ERBB4: variants seen among roughly 807,000 people sequenced by gnomAD.
ERBB4 encodes receptor tyrosine-protein kinase erbB-4.
Under a neutral mutation model 158.0 loss-of-function variants are expected in ERBB4, and 42 were observed. The observed-to-expected ratio is 0.27, with a 90% CI of 0.21 to 0.34. ERBB4 has a LOEUF of 0.34. Ranked by LOEUF, ERBB4 falls within the 10% of genes least tolerant of loss-of-function variation. The pLI, the probability that ERBB4 is intolerant of heterozygous loss-of-function variation, is 1.00. For synonymous variants in ERBB4, 583 were observed against 558.7 expected (o/e 1.04, Z -0.61); for missense variants, 1,333 against 1,624.1 (o/e 0.82, Z 3.08).
intron 1 of ERBB4, among the ~76,000 whole-genome samples, chr2:212,333,353 C>A (rs547823127): frequency 1.0e-4 from 15 of 146,082 alleles, no homozygotes; most frequent in African/African-American, 3.0e-4. Flanking sequence ...CCTGTCCACA[C>A]AAAAGCATAA....
At chr2:211,408,920 T>C (rs1212925077) in intron 25 of ERBB4, among the ~76,000 whole-genome samples, 1 of 152,210 alleles carries the variant, frequency 6.6e-6, no homozygotes, top group African/African-American at 2.4e-5. Context: ...ATTCACTGAT[T>C]TGAATTACAC....
chr2:211,666,627 T>A (rs13424871), intron 14 of ERBB4, among the ~76,000 whole-genome samples: 44,411 of 151,994 alleles, frequency 0.29, 7,855 homozygotes, highest in African/African-American at 0.49. Context: ...CTTAAAAGAC[T>A]TCCCCGATGC....
intron 12 of ERBB4, among the ~76,000 whole-genome samples, chr2:211,686,091 T>C (rs981268519): frequency 9.2e-5 from 14 of 152,148 alleles, no homozygotes; most frequent in Non-Finnish European, 4.4e-5. Context: ...TTTCAATCTA[T>C]ATGCTTTTTC....
intron 2 of ERBB4, among the ~76,000 whole-genome samples, chr2:212,055,565 C>T (rs1424369784): frequency 1.3e-5 from 2 of 152,194 alleles, no homozygotes; most frequent in African/African-American, 4.8e-5. Flanking sequence ...AGCCGGGTAC[C>T]CCGCTGAGAT....
chr2:211,404,583 T>G (rs1011475215), intron 25 of ERBB4, among the ~76,000 whole-genome samples: 3 of 152,118 alleles, frequency 2.0e-5, no homozygotes, highest in Admixed American at 6.6e-5. Context: ...GACAGACAAC[T>G]AACTTTGTTA....
rs868557876 is a variant in ERBB4, at chr2:211,639,974, C to T, written c.1947-9380G>A. ...CTGACCTCAGGTGATCTGCCCGCCT[C>T]GGCCTTCCAAAGTGCTGGGATTATA... On this transcript the variant is annotated intron_variant, in intron 16 of 27. Coordinates refer to ENST00000342788, the MANE Select transcript of ERBB4 (RefSeq NM_005235.3). 4.6e-5 allele frequency among the ~76,000 whole-genome samples: 7 copies of T among 152,138 alleles called. No homozygotes were observed. In the East Asian group the frequency reaches 7.7e-4, roughly 17 times the overall value.
At chr2:211,430,106 A>T (rs1413454501) in intron 21 of ERBB4, among the ~76,000 whole-genome samples, 2 of 152,172 alleles carry the variant, frequency 1.3e-5, no homozygotes, top group African/African-American at 4.8e-5. Flanking sequence ...ATTGCAAAAT[A>T]TTTATAATAT....
chr2:211,825,250 T>C (rs2077077059), intron 3 of ERBB4, among the ~76,000 whole-genome samples: 1 of 151,898 alleles, frequency 6.6e-6, no homozygotes, highest in Non-Finnish European at 1.5e-5. Context: ...ATCATAATGA[T>C]AATAAGTAGT....
chr2:211,986,669 T>G (rs1316651598), intron 2 of ERBB4, among the ~76,000 whole-genome samples: 4 of 152,176 alleles, frequency 2.6e-5, no homozygotes, highest in Non-Finnish European at 1.5e-5. Context: ...TACTGTAATT[T>G]TCTCTGTGGC....
intron 2 of ERBB4, among the ~76,000 whole-genome samples, chr2:212,020,298 G>A (rs1442542255): frequency 6.6e-6 from 1 of 151,902 alleles, no homozygotes; most frequent in African/African-American, 2.4e-5. Flanking sequence ...AATATGCTAG[G>A]ACAATATTAG....
intron 1 of ERBB4, among the ~76,000 whole-genome samples, chr2:212,274,750 T>C (rs977006486): frequency 1.1e-4 from 17 of 151,824 alleles, no homozygotes; most frequent in African/African-American, 3.6e-4. Context: ...ATATTTTATG[T>C]ATCTATGACA....
At chr2:212,019,976 A>G (rs952031409) in intron 2 of ERBB4, among the ~76,000 whole-genome samples, 1 of 152,096 alleles carries the variant, frequency 6.6e-6, no homozygotes, top group Non-Finnish European at 1.5e-5. Context: ...GGTAAATTTT[A>G]TAATTATAAG....
intron 1 of ERBB4, among the ~76,000 whole-genome samples, chr2:212,336,341 G>T (rs1441542162): frequency 6.6e-6 from 1 of 151,888 alleles, no homozygotes; most frequent in African/African-American, 2.4e-5. Flanking sequence ...TCTCCCTTCA[G>T]ATTTAAGGAA....
intron 3 of ERBB4, among the ~76,000 whole-genome samples, chr2:211,881,866 C>T (rs1444760624): frequency 6.6e-6 from 1 of 152,100 alleles, no homozygotes; most frequent in East Asian, 1.9e-4. Context: ...GACAACGAAC[C>T]TTGGATATTA....
At chr2:211,839,377 C>T (rs969950573) in intron 3 of ERBB4, among the ~76,000 whole-genome samples, 1 of 150,674 alleles carries the variant, frequency 6.6e-6, no homozygotes, top group East Asian at 2.0e-4. Context: ...AAAAAAAATA[C>T]TTGACCTCTA....
At chr2:212,091,701 GA>G (rs1358637438) in intron 2 of ERBB4, among the ~76,000 whole-genome samples, 2 of 151,702 alleles carry the variant, frequency 1.3e-5, no homozygotes, top group African/African-American at 2.4e-5. Context: ...AACAAACATT[GA>G]AAAAAAATCA....
At chr2:211,918,169 G>T (rs940006191) in intron 3 of ERBB4, among the ~76,000 whole-genome samples, 2 of 152,222 alleles carry the variant, frequency 1.3e-5, no homozygotes, top group South Asian at 2.1e-4. Context: ...CAGGGATCAG[G>T]TAAGAAGTTA....
At chr2:211,772,848 T>TATATATACACACAC (rs1559504320) in intron 4 of ERBB4, among the ~76,000 whole-genome samples, 1 of 64,318 alleles carries the variant, frequency 1.6e-5, no homozygotes, top group African/African-American at 6.6e-5. Flanking sequence ...CATATATATA[T>TATATATACACACAC]ATATATATAT....
chr2:212,273,693 T>G (rs556565487), intron 1 of ERBB4, among the ~76,000 whole-genome samples: 1 of 151,970 alleles, frequency 6.6e-6, no homozygotes, highest in African/African-American at 2.4e-5. Flanking sequence ...TAAAGTATTA[T>G]AATACTTCAG....
Sources: gnomAD v4.1 joint callset for allele counts (sites outside exome capture counted in the v4.1 genomes callset) on GRCh38, gnomAD v4.1.1 for gene constraint, MANE v1.5 for transcripts, NCBI Gene and HGNC (gene_info 2026-07-23, HGNC 2026-07-21) for gene names.